Variants in WASHC3 observed in about 807,000 individuals in gnomAD.
The protein encoded by WASHC3 is WASH complex subunit CCDC53.
In WASHC3, 24 loss-of-function variants were observed where a neutral mutation model predicts 26.1. The observed-to-expected ratio is 0.92, with a 90% CI of 0.66 to 1.29. WASHC3 has a LOEUF of 1.29. WASHC3 is among the 50% of genes most tolerant of loss of function. WASHC3 has a pLI of 0.00. For missense variants in WASHC3, 214 were observed against 229.6 expected (o/e 0.93, Z 0.44); for synonymous variants, 77 against 75.7 (o/e 1.02, Z -0.09).
At chr12:102,030,460 T>C (rs544092978) in intron 5 of WASHC3, among the ~76,000 whole-genome samples, 1 of 152,140 alleles carries the variant, frequency 6.6e-6, no homozygotes, top group Non-Finnish European at 1.5e-5. Context: ...TCCTCGAAGC[T>C]TTCAGTGAAG....
intron 2 of WASHC3, among the ~76,000 whole-genome samples, chr12:102,051,324 C>T (rs1878385624): frequency 6.6e-6 from 1 of 152,114 alleles, no homozygotes; most frequent in South Asian, 2.1e-4. Flanking sequence ...TTGTTTGAGG[C>T]TTTAAATAAA....
chr12:102,034,552 A>C (rs1056201700), intron 5 of WASHC3, among the ~76,000 whole-genome samples: 1 of 152,172 alleles, frequency 6.6e-6, no homozygotes, highest in Non-Finnish European at 1.5e-5. Flanking sequence ...TACTCTTGGA[A>C]AAGTGCTAAG....
At chr12:102,044,851 T>C (rs1464725871) in intron 3 of WASHC3, among the ~76,000 whole-genome samples, 1 of 152,210 alleles carries the variant, frequency 6.6e-6, no homozygotes, top group African/African-American at 2.4e-5. Context: ...TAGTTAAGCA[T>C]TTCAGGTTAG....
At chr12:102,053,905 G>A (rs1878491655) in intron 2 of WASHC3, among the ~76,000 whole-genome samples, 2 of 152,150 alleles carry the variant, frequency 1.3e-5, no homozygotes, top group South Asian at 4.1e-4. Flanking sequence ...AACTTGTTAA[G>A]GGATATGCAG....
chr12:102,034,781 AGT>A (rs60815635), intron 5 of WASHC3, among the ~76,000 whole-genome samples: 57,729 of 145,928 alleles, frequency 0.4, 11,765 homozygotes, highest in South Asian at 0.56. Flanking sequence ...CCTAAAAAAA[AGT>A]GTGTGTGTGT....
intron 6 of WASHC3, among the ~76,000 whole-genome samples, chr12:102,025,263 CA>C (rs1490254440): frequency 6.6e-6 from 1 of 152,014 alleles, no homozygotes; most frequent in Non-Finnish European, 1.5e-5. Flanking sequence ...ACTTGCAAAA[CA>C]GAATTCTTCT....
chr12:102,034,068 TA>T (rs900009679), intron 5 of WASHC3, among the ~76,000 whole-genome samples: 2 of 152,096 alleles, frequency 1.3e-5, no homozygotes, highest in African/African-American at 4.8e-5. Context: ...TTCAGTATGA[TA>T]AGGTAGTCTG....
At chr12:102,018,604 T>C (rs1876810581) in intron 6 of WASHC3, among the ~76,000 whole-genome samples, 1 of 151,728 alleles carries the variant, frequency 6.6e-6, no homozygotes, top group South Asian at 2.1e-4. Context: ...TCCCAAGTAC[T>C]TGGGACTGCA....
chr12:102,040,033 T>C (rs4237982), intron 4 of WASHC3, 55 bp from the exon 5 acceptor site: 639,378 of 718,080 alleles, frequency 0.89, 285,772 homozygotes, highest in East Asian at 1. Context: ...GGGTCTATCA[T>C]GTTACTTAAA....
At chr12:102,055,655 T>C (rs1180669098) in intron 2 of WASHC3, among the ~76,000 whole-genome samples, 5 of 152,218 alleles carry the variant, frequency 3.3e-5, no homozygotes, top group African/African-American at 1.2e-4. Context: ...TCAAAGCTTT[T>C]CAAGTAGATA....
At chr12:102,025,614 C>T (rs1439883117) in intron 6 of WASHC3, among the ~76,000 whole-genome samples, 4 of 140,180 alleles carry the variant, frequency 2.9e-5, no homozygotes, top group Non-Finnish European at 6.2e-5. Context: ...TAATCACCCC[C>T]CCACCAAAAA....
At chr12:102,056,258 T>C (rs1878589543) in intron 2 of WASHC3, among the ~76,000 whole-genome samples, 1 of 152,238 alleles carries the variant, frequency 6.6e-6, no homozygotes, top group Admixed American at 6.5e-5. Context: ...TGAAGCTACC[T>C]TCATTTGGTT....
chr12:102,052,934 C>T (rs1878450738), intron 2 of WASHC3, among the ~76,000 whole-genome samples: 2 of 151,864 alleles, frequency 1.3e-5, no homozygotes, highest in South Asian at 4.2e-4. Flanking sequence ...CCAGGCTGCA[C>T]ACTTGCCCCA....
At chr12:102,019,857 G>A (rs1435202407) in intron 6 of WASHC3, among the ~76,000 whole-genome samples, 2 of 152,146 alleles carry the variant, frequency 1.3e-5, no homozygotes, top group East Asian at 1.9e-4. Flanking sequence ...CAGGAAGGAC[G>A]AAGTATATAC....
chr12:102,013,381 T>C (rs916051279), intron 6 of WASHC3, among the ~76,000 whole-genome samples, 189 bp from the exon 7 acceptor site: 1 of 152,186 alleles, frequency 6.6e-6, no homozygotes, highest in Admixed American at 6.5e-5. Flanking sequence ...TTCAATGCTA[T>C]GCCTGTAGAG....
At chr12:102,061,375 A>C (rs1314131866) in intron 1 of WASHC3, 29 bp from the exon 2 acceptor site, 3 of 1,417,384 alleles carry the variant, frequency 2.1e-6, no homozygotes. Context: ...AACATGGTTC[A>C]TACAGGAGGA....
intron 6 of WASHC3, among the ~76,000 whole-genome samples, chr12:102,024,700 A>G (rs1302919540): frequency 6.6e-6 from 1 of 152,204 alleles, no homozygotes; most frequent in African/African-American, 2.4e-5. Flanking sequence ...TTTTAAAGGT[A>G]ATTTTAGCTC....
chr12:102,045,713 AGTATT>A (rs937872440), intron 3 of WASHC3, among the ~76,000 whole-genome samples: 6 of 152,258 alleles, frequency 3.9e-5, no homozygotes, highest in Non-Finnish European at 7.3e-5. Context: ...GATTTATATT[AGTATT>A]GTATTATCAA....
chr12:102,012,978 CAT>C lies in WASHC3; in HGVS notation c.*128_*129del, dbSNP rs774235636. ...AACTGCTTTATTATTATTTTTTTAA[CAT>C]AGAAGAAGCTTGGTAGTGGACATGT... On this transcript the variant is annotated 3_prime_UTR_variant, in exon 7 of 7. Coordinates refer to ENST00000240079, the MANE Select transcript of WASHC3 (RefSeq NM_016053.4). 5 of 505,788 alleles carry C rather than the reference CAT, an allele frequency of 9.9e-6. No individual in the cohort carries two copies. Among genetic ancestry groups the C allele is most frequent in the African/African-American group, 4.0e-5 (2 of 50,258 alleles). 31.3% of individuals were successfully genotyped at this position (505,788 alleles called of 1,614,324 possible).
Sources: allele counts gnomAD v4.1 joint callset (sites outside exome capture counted in the v4.1 genomes callset), GRCh38; gene constraint gnomAD v4.1.1; transcripts MANE v1.5; gene names NCBI Gene and HGNC (gene_info 2026-07-23, HGNC 2026-07-21).